NEK11: variants seen among roughly 807,000 people sequenced by gnomAD.
NEK11 encodes serine/threonine-protein kinase Nek11.
NEK11 carries 72 observed loss-of-function variants against 80.7 expected under a neutral mutation model. The observed-to-expected ratio is 0.89, with a 90% confidence interval of 0.74 to 1.08. The LOEUF is 1.08. NEK11 is among the 50% of genes least tolerant of loss of function. The pLI is 0.00. For synonymous variants in NEK11, 251 were observed against 260.7 expected, an observed-to-expected ratio of 0.96 and a Z score of 0.36; for missense variants, 764 against 763.6, an observed-to-expected ratio of 1.00 and a Z score of -0.01.
chr3:131,330,156 G>C (rs933683411), intron 17 of NEK11: 1 of 152,164 alleles, frequency 6.6e-6, no homozygotes, highest in Non-Finnish European at 1.5e-5. Flanking sequence ...GAAAGGAACT[G>C]GACTACTAGA....
At chr3:131,191,337 G>A (rs1325639267) in intron 14 of NEK11, among the ~76,000 whole-genome samples, 1 of 152,130 alleles carries the variant, frequency 6.6e-6, no homozygotes, top group Non-Finnish European at 1.5e-5. Flanking sequence ...GGAGGCTCTA[G>A]TGACCTTGCT....
At chr3:131,187,477 A>G (rs1301664848) in intron 14 of NEK11, among the ~76,000 whole-genome samples, 2 of 152,174 alleles carry the variant, frequency 1.3e-5, no homozygotes, top group Non-Finnish European at 2.9e-5. Context: ...CTCATTTTCC[A>G]GTTCTTCCTT....
intron 16 of NEK11, among the ~76,000 whole-genome samples, chr3:131,255,446 G>A (rs554895615): frequency 1.3e-5 from 2 of 152,200 alleles, no homozygotes; most frequent in South Asian, 2.1e-4. Flanking sequence ...AAATAAAACA[G>A]TGGTATCCTA....
At chr3:131,051,060 G>A (rs150041469) in intron 3 of NEK11, among the ~76,000 whole-genome samples, 1 of 152,218 alleles carries the variant, frequency 6.6e-6, no homozygotes, top group East Asian at 1.9e-4. Context: ...ACCAAATGAA[G>A]CCTACTTCTT....
intron 3 of NEK11, among the ~76,000 whole-genome samples, chr3:131,048,918 C>T (rs1490543333): frequency 1.3e-5 from 2 of 152,174 alleles, no homozygotes; most frequent in East Asian, 3.8e-4. Context: ...TGGAGCTTCT[C>T]TTCTGAGCTC....
At chr3:131,281,670 T>G (rs2096398334) in intron 17 of NEK11, among the ~76,000 whole-genome samples, 1 of 152,180 alleles carries the variant, frequency 6.6e-6, no homozygotes. Context: ...ATACATAATT[T>G]TGGTAGGTAT....
intron 15 of NEK11, among the ~76,000 whole-genome samples, chr3:131,229,994 C>A (rs933592465): frequency 6.6e-6 from 1 of 152,098 alleles, no homozygotes; most frequent in African/African-American, 2.4e-5. Flanking sequence ...AATATAATTT[C>A]TACTACCTTC....
At chr3:131,264,913 T>A (rs1167640022) in intron 16 of NEK11, among the ~76,000 whole-genome samples, 1 of 152,210 alleles carries the variant, frequency 6.6e-6, no homozygotes, top group Admixed American at 6.5e-5. Flanking sequence ...GTAGTTCTCC[T>A]TGAAGAGGTC....
chr3:131,229,177 T>G (rs1442951137), intron 15 of NEK11, among the ~76,000 whole-genome samples: 1 of 152,152 alleles, frequency 6.6e-6, no homozygotes, highest in African/African-American at 2.4e-5. Flanking sequence ...CTAGCTACTT[T>G]TAGCCTCTGA....
intron 14 of NEK11, among the ~76,000 whole-genome samples, chr3:131,187,765 G>A (rs2093653187): frequency 6.6e-6 from 1 of 152,120 alleles, no homozygotes; most frequent in Admixed American, 6.6e-5. Context: ...CTATTATGCT[G>A]CCTCAGACCA....
At chr3:131,324,240 G>T (rs1335258237) in intron 17 of NEK11, among the ~76,000 whole-genome samples, 1 of 152,074 alleles carries the variant, frequency 6.6e-6, no homozygotes, top group Non-Finnish European at 1.5e-5. Context: ...GCTGGGCTCT[G>T]CCGGCCAGGA....
chr3:131,209,898 G>T (rs1416330161), intron 14 of NEK11, among the ~76,000 whole-genome samples: 3 of 151,982 alleles, frequency 2.0e-5, no homozygotes, highest in Non-Finnish European at 4.4e-5. Flanking sequence ...AGTCTTGCTA[G>T]CATCTATCTA....
chr3:131,100,540 A>G (rs1408683069), intron 4 of NEK11, among the ~76,000 whole-genome samples: 1 of 152,210 alleles, frequency 6.6e-6, no homozygotes, highest in Non-Finnish European at 1.5e-5. Context: ...ATTGCACTCC[A>G]GCACAAGTGA....
At chr3:131,071,704 C>A (rs1434395509) in intron 3 of NEK11, among the ~76,000 whole-genome samples, 1 of 151,864 alleles carries the variant, frequency 6.6e-6, no homozygotes, top group Non-Finnish European at 1.5e-5. Context: ...AATTTTTAGT[C>A]ATTTGTCCCC....
At chr3:131,027,028 G>C (rs1167372889) in intron 1 of NEK11, 22 bp downstream of exon 1, 1 of 152,268 alleles carries the variant, frequency 6.6e-6, no homozygotes. Flanking sequence ...TGTCCTCCTT[G>C]GGGCTAGCCA....
At position 131,029,678 on chromosome 3, in the gene NEK11, T is replaced by C. The variant is rs372814947; in HGVS notation, c.-31T>C. 3.9e-5 allele frequency: 62 copies of C among 1,602,310 alleles called. No individual in the cohort carries two copies. Among genetic ancestry groups the C allele is most frequent in the Non-Finnish European group, 5.3e-5 (62 of 1,171,698 alleles). On this transcript the variant is annotated 5_prime_UTR_variant, in exon 3 of 18. It removes an upstream start codon present in the reference 5' UTR. Transcript: ENST00000383366. ...GACTGGAATGTTAAGTTTCTATAAA[T>C]GAATGAACCAGTTCTCTCTTGTTTG...
chr3:131,311,132 G>T (rs750744698), intron 17 of NEK11, among the ~76,000 whole-genome samples: 1 of 151,756 alleles, frequency 6.6e-6, no homozygotes, highest in Admixed American at 6.6e-5. Context: ...TTTTTAAACC[G>T]ATGCATAATA....
In NEK11 at chr3:131,183,479, C is replaced by G. The variant is rs559750156; in HGVS notation, c.1399+12592C>G. Among the ~76,000 whole-genome samples the G allele has an allele frequency of 4.6e-5, 7 of 152,290 alleles. No homozygotes were observed. In the South Asian group the frequency reaches 1.5e-3, roughly 32 times the overall value. ...GGCCCCAGTGTGTGTTTTTCCCCTC[C>G]CTGTGTCCATGTGTTCTCATTGCTC... is the stretch of plus-strand genomic sequence containing the variant. On this transcript the variant is annotated intron_variant, in intron 14 of 17. Transcript: ENST00000383366.
chr3:131,234,453 C>T (rs934754965), intron 15 of NEK11, among the ~76,000 whole-genome samples: 4 of 152,200 alleles, frequency 2.6e-5, no homozygotes, highest in African/African-American at 9.6e-5. Flanking sequence ...TTCAGATTGT[C>T]GATCATTTTT....
Sources: allele counts gnomAD v4.1 joint callset (sites outside exome capture counted in the v4.1 genomes callset), GRCh38; gene constraint gnomAD v4.1.1; transcripts MANE v1.5; gene names NCBI Gene and HGNC (gene_info 2026-07-23, HGNC 2026-07-21).